The following MCC variants were observed in gnomAD, a reference collection of about 807,000 sequenced individuals.
MCC encodes the protein MCC regulator of Wnt signaling pathway.
In MCC, 90 loss-of-function variants were observed where a neutral mutation model predicts 116.2. That is an observed-to-expected ratio of 0.77 (90% CI 0.65 to 0.92). The LOEUF (loss-of-function observed/expected upper bound fraction) is 0.92. Ranked by LOEUF, MCC falls within the 40% of genes least tolerant of loss-of-function variation. The pLI is 0.00. For synonymous variants in MCC, 578 were observed against 510.5 expected, an observed-to-expected ratio of 1.13 and a Z score of -1.78; for missense variants, 1,516 against 1,312.2, an observed-to-expected ratio of 1.16 and a Z score of -2.40.
chr5:113,452,860 G>A (rs1363547358), intron 1 of MCC, among the ~76,000 whole-genome samples: 1 of 152,230 alleles, frequency 6.6e-6, no homozygotes, highest in East Asian at 1.9e-4. Flanking sequence ...ACCACTGCCA[G>A]TTTGCCTTTA....
intron 17 of MCC, among the ~76,000 whole-genome samples, chr5:113,029,715 T>C (rs946773480): frequency 6.6e-6 from 1 of 152,320 alleles, no homozygotes; most frequent in South Asian, 2.1e-4. Context: ...GTTTCCAGTA[T>C]CCAGTCAGCT....
intron 1 of MCC, among the ~76,000 whole-genome samples, chr5:113,418,542 C>A (rs1038948364): frequency 2.4e-4 from 37 of 152,190 alleles, no homozygotes; most frequent in African/African-American, 8.9e-4. Flanking sequence ...CCCAGTTAAG[C>A]CTTGGTTTGG....
chr5:113,479,314 G>A (rs527653903), intron 1 of MCC, among the ~76,000 whole-genome samples: 43 of 152,274 alleles, frequency 2.8e-4, no homozygotes, highest in African/African-American at 9.4e-4. Context: ...GCAGGGGACT[G>A]GGTCTGGGGT....
At chr5:113,130,108 G>A (rs1033594639) in intron 5 of MCC, among the ~76,000 whole-genome samples, 3 of 152,030 alleles carry the variant, frequency 2.0e-5, no homozygotes, top group African/African-American at 7.3e-5. Context: ...AGGATAGACT[G>A]GATAAAAAAA....
chr5:113,474,089 C>T (rs926452150), intron 1 of MCC, among the ~76,000 whole-genome samples: 3 of 152,130 alleles, frequency 2.0e-5, no homozygotes, highest in Non-Finnish European at 2.9e-5. Context: ...ATAAACTCCT[C>T]AGCTAAATTG....
intron 17 of MCC, among the ~76,000 whole-genome samples, chr5:113,037,685 C>T (rs542287278): frequency 6.6e-6 from 1 of 151,984 alleles, no homozygotes; most frequent in Non-Finnish European, 1.5e-5. Context: ...CAGAGTGAGA[C>T]CCTGTCTCAA....
rs546065579 is a variant in MCC, at chr5:113,061,070, C to T, written c.2213+2914G>A. Reference sequence around the variant, plus strand: ...AACTTTACCTTAATCCAGACTAGTTCAAAGAGTGAGAGCTAGGCATCTCTT... The same window carrying T: ...AACTTTACCTTAATCCAGACTAGTTTAAAGAGTGAGAGCTAGGCATCTCTT... On this transcript the variant is annotated intron_variant, in intron 14 of 18. Transcript: ENST00000408903. 4.1e-3 allele frequency among the ~76,000 whole-genome samples: 631 copies of T among 152,292 alleles called. 10 individuals are homozygous for T. Among genetic ancestry groups the T allele is most frequent in the Non-Finnish European group, 1.8e-3 (123 of 68,010 alleles).
intron 6 of MCC, among the ~76,000 whole-genome samples, chr5:113,117,649 T>C (rs1356733313): frequency 1.3e-5 from 2 of 152,234 alleles, no homozygotes; most frequent in Non-Finnish European, 2.9e-5. Flanking sequence ...TTGTTTGTTT[T>C]GGAAACAGTT....
intron 1 of MCC, among the ~76,000 whole-genome samples, chr5:113,467,245 A>G (rs1299552931): frequency 1.3e-5 from 2 of 151,386 alleles, no homozygotes; most frequent in Admixed American, 6.6e-5. Flanking sequence ...TGTTTTAGAC[A>G]TGAAGTCCTT....
chr5:113,038,308 C>T (rs1751455636), intron 17 of MCC, among the ~76,000 whole-genome samples: 2 of 152,036 alleles, frequency 1.3e-5, no homozygotes, highest in South Asian at 2.1e-4. Context: ...TTAGAAGGAA[C>T]AGCTGAAGAC....
chr5:113,137,198 G>C (rs1758890783), intron 5 of MCC, among the ~76,000 whole-genome samples: 1 of 152,134 alleles, frequency 6.6e-6, no homozygotes, highest in Non-Finnish European at 1.5e-5. Context: ...TAGAGTGTAA[G>C]CATGTGCAGG....
intron 2 of MCC, among the ~76,000 whole-genome samples, chr5:113,381,769 C>T (rs919533621): frequency 2.6e-5 from 4 of 152,042 alleles, no homozygotes; most frequent in African/African-American, 9.7e-5. Flanking sequence ...GCCTGGGTGA[C>T]AGAGTGAGAT....
At chr5:113,166,127 G>C (rs370722338) in intron 3 of MCC, among the ~76,000 whole-genome samples, 1 of 152,102 alleles carries the variant, frequency 6.6e-6, no homozygotes, top group African/African-American at 2.4e-5. Flanking sequence ...ATAGCACTAG[G>C]ATGCAAACAG....
chr5:113,032,159 C>A (rs548632731), intron 17 of MCC, among the ~76,000 whole-genome samples: 1 of 152,132 alleles, frequency 6.6e-6, no homozygotes. Context: ...GCCTGTAATC[C>A]CAGCACTTTG....
Position 113,078,222 on chromosome 5 carries a change from A to T in MCC, c.1784+4638T>A, listed in dbSNP as rs139522244. Among the ~76,000 whole-genome samples the T allele has an allele frequency of 1.3e-3, 199 of 152,334 alleles. No homozygotes were observed. The East Asian group carries it at 0.034, about 26-fold the overall frequency. On this transcript the variant is annotated intron_variant, in intron 11 of 18. Coordinates refer to ENST00000408903, the MANE Select transcript of MCC (RefSeq NM_001085377.2). ...CAGATTCACAGCCGAATTCTACCAG[A>T]GGTACAAGGAGAAGCTGGTATCATT... is the stretch of plus-strand genomic sequence containing the variant.
chr5:113,165,891 T>C (rs1760742197), intron 3 of MCC, among the ~76,000 whole-genome samples: 1 of 147,934 alleles, frequency 6.8e-6, no homozygotes, highest in African/African-American at 2.5e-5. Context: ...CATATATTTT[T>C]GGGAATGACA....
chr5:113,099,442 C>T (rs1472778467), intron 8 of MCC, among the ~76,000 whole-genome samples: 1 of 152,154 alleles, frequency 6.6e-6, no homozygotes, highest in Non-Finnish European at 1.5e-5. Context: ...TTCAACTTTC[C>T]GTATCACTCG....
At chr5:113,449,272 TAAAATAAA>T (rs1771313974) in intron 1 of MCC, among the ~76,000 whole-genome samples, 1 of 152,168 alleles carries the variant, frequency 6.6e-6, no homozygotes, top group Non-Finnish European at 1.5e-5. Context: ...TGAGGAAAGC[TAAAATAAA>T]CAAATTAGCC....
chr5:113,420,359 T>C (rs1770294766), intron 1 of MCC, among the ~76,000 whole-genome samples: 1 of 152,152 alleles, frequency 6.6e-6, no homozygotes. Flanking sequence ...TTGCCACTTG[T>C]AAAAATTTCT....
Sources: allele counts gnomAD v4.1 joint callset (sites outside exome capture counted in the v4.1 genomes callset), GRCh38; gene constraint gnomAD v4.1.1; transcripts MANE v1.5; gene names NCBI Gene and HGNC (gene_info 2026-07-23, HGNC 2026-07-21).